Variants in VPS13B observed in about 807,000 individuals in gnomAD.
VPS13B encodes the protein vacuolar protein sorting 13 homolog B, also known as intermembrane lipid transfer protein VPS13B.
A neutral mutation model predicts 426.4 loss-of-function variants in VPS13B; 285 were observed. The observed-to-expected ratio is 0.67, with a 90% CI of 0.61 to 0.74. VPS13B has a LOEUF of 0.74. Among genes scored for constraint, VPS13B ranks in the 30% least tolerant of loss-of-function variants. The pLI, the probability that VPS13B is intolerant of heterozygous loss-of-function variation, is 0.00. For missense variants in VPS13B, 4,537 were observed against 4,782.6 expected (o/e 0.95, Z 1.51); for synonymous variants, 1,676 against 1,676.4 (o/e 1.00, Z 0.01).
At chr8:99,080,299 CTTTT>C (rs917807670) in intron 3 of VPS13B, among the ~76,000 whole-genome samples, 2 of 151,594 alleles carry the variant, frequency 1.3e-5, no homozygotes, top group Non-Finnish European at 2.9e-5. Flanking sequence ...GTATTTTTTG[CTTTT>C]TTGTTTCATG....
intron 17 of VPS13B, among the ~76,000 whole-genome samples, chr8:99,206,103 G>A (rs185830270): frequency 7.9e-4 from 120 of 152,086 alleles, no homozygotes; most frequent in Non-Finnish European, 1.4e-3. Flanking sequence ...GTCTTTTTGC[G>A]AGAAGATTAA....
intron 39 of VPS13B, among the ~76,000 whole-genome samples, chr8:99,747,842 A>G (rs1321561666): frequency 6.6e-6 from 1 of 151,826 alleles, no homozygotes; most frequent in Non-Finnish European, 1.5e-5. Flanking sequence ...TTGTTCCAAG[A>G]ATACTTTTTT....
rs566924306 is a variant in VPS13B, at chr8:99,754,716, G to A, written c.7051-12058G>A. The stretch of plus-strand genomic sequence containing the variant: ...ATTTTCTAGTACTTTTCTCTTTGGG[G>A]AATATATTTGGTTTTATCACCATCT... On this transcript the variant is annotated intron_variant, in intron 39 of 61. Transcript: ENST00000357162. Among the ~76,000 whole-genome samples the A allele has an allele frequency of 2.9e-4, 44 of 152,160 alleles. No individual in the cohort carries two copies. In the South Asian group the frequency reaches 8.7e-3, roughly 30 times the overall value.
chr8:99,628,441 C>T (rs939065162), intron 33 of VPS13B, among the ~76,000 whole-genome samples: 2 of 152,170 alleles, frequency 1.3e-5, no homozygotes, highest in African/African-American at 4.8e-5. Context: ...GTATGTGTTG[C>T]TTCACTCCTC....
At chr8:99,483,765 T>C (rs1820163191) in intron 25 of VPS13B, among the ~76,000 whole-genome samples, 1 of 152,136 alleles carries the variant, frequency 6.6e-6, no homozygotes, top group South Asian at 2.1e-4. Flanking sequence ...AAATGTGTTT[T>C]TTTGAAAGAA....
chr8:99,335,142 C>T (rs906119140), intron 19 of VPS13B, among the ~76,000 whole-genome samples: 4 of 152,050 alleles, frequency 2.6e-5, no homozygotes, highest in East Asian at 1.9e-4. Context: ...AGTTTATTTG[C>T]GTAGAGGTGT....
intron 22 of VPS13B, among the ~76,000 whole-genome samples, chr8:99,434,403 T>A (rs1817270160): frequency 6.6e-6 from 1 of 152,180 alleles, no homozygotes; most frequent in Non-Finnish European, 1.5e-5. Flanking sequence ...TTCAAGTATT[T>A]AACTAAGCCA....
chr8:99,645,646 A>G (rs752802570), intron 34 of VPS13B, among the ~76,000 whole-genome samples: 2 of 152,242 alleles, frequency 1.3e-5, no homozygotes, highest in Non-Finnish European at 2.9e-5. Context: ...GCTCTGCAGT[A>G]TCAGGTAGAA....
At chr8:99,132,841 AG>A (rs2132549196) in intron 8 of VPS13B, among the ~76,000 whole-genome samples, 1 of 152,286 alleles carries the variant, frequency 6.6e-6, no homozygotes, top group South Asian at 2.1e-4. Context: ...AGGTTTCCAT[AG>A]GCTTAAAGTA....
intron 3 of VPS13B, among the ~76,000 whole-genome samples, chr8:99,087,686 A>G (rs1028614191): frequency 2.7e-5 from 4 of 150,590 alleles, no homozygotes; most frequent in African/African-American, 7.4e-5. Flanking sequence ...TGGTTCAAGC[A>G]GTTCTCCACC....
chr8:99,588,019 T>C (rs202200771), intron 33 of VPS13B, among the ~76,000 whole-genome samples: 2 of 151,840 alleles, frequency 1.3e-5, no homozygotes, highest in Non-Finnish European at 2.9e-5. Flanking sequence ...GGAAGGGATC[T>C]AGTTTCAGCT....
At chr8:99,033,921 T>G (rs1842627949) in intron 2 of VPS13B, among the ~76,000 whole-genome samples, 1 of 152,266 alleles carries the variant, frequency 6.6e-6, no homozygotes, top group African/African-American at 2.4e-5. Context: ...TTGTATATGG[T>G]TTCCCTTATT....
At chr8:99,640,043 GAAGAAGAGAA>G (rs1554883858) in intron 33 of VPS13B, among the ~76,000 whole-genome samples, 12 of 82,186 alleles carry the variant, frequency 1.5e-4, no homozygotes, top group African/African-American at 4.8e-4. Flanking sequence ...AGAAGAAGAA[GAAGAAGAGAA>G]AAGAAAAGAA....
intron 36 of VPS13B, among the ~76,000 whole-genome samples, chr8:99,707,321 A>G (rs1563874544): frequency 6.6e-6 from 1 of 152,098 alleles, no homozygotes; most frequent in Non-Finnish European, 1.5e-5. Context: ...CTTTGAGAGG[A>G]TTAGGTGACA....
chr8:99,507,698 G>A (rs1191477920), intron 28 of VPS13B: 3 of 1,603,668 alleles, frequency 1.9e-6, no homozygotes, highest in Non-Finnish European at 2.6e-6. Context: ...AAACTATCCA[G>A]ATATTTTTTT....
intron 5 of VPS13B, 50 bp downstream of exon 5, chr8:99,103,170 A>G (rs1202777067): frequency 4.4e-6 from 7 of 1,600,788 alleles, no homozygotes; most frequent in Non-Finnish European, 6.0e-6. Flanking sequence ...TGAAACAATT[A>G]CCTTAACTCT....
intron 19 of VPS13B, among the ~76,000 whole-genome samples, chr8:99,375,944 C>CT: frequency 6.6e-6 from 1 of 152,266 alleles, no homozygotes; most frequent in East Asian, 1.9e-4. Flanking sequence ...GGCTGGCAAG[C>CT]TTCTATAGCT....
chr8:99,026,880 T>A (rs949874052), intron 2 of VPS13B, among the ~76,000 whole-genome samples: 1 of 152,160 alleles, frequency 6.6e-6, no homozygotes, highest in Non-Finnish European at 1.5e-5. Context: ...ATTTATTTTT[T>A]TTTTCCCCCG....
chr8:99,546,996 T>G (rs1283785099), intron 30 of VPS13B, among the ~76,000 whole-genome samples: 1 of 152,092 alleles, frequency 6.6e-6, no homozygotes, highest in Non-Finnish European at 1.5e-5. Context: ...TAAAAAGTAA[T>G]GTACTATGAA....
Sources: allele counts gnomAD v4.1 joint callset (sites outside exome capture counted in the v4.1 genomes callset), GRCh38; gene constraint gnomAD v4.1.1; transcripts MANE v1.5; gene names NCBI Gene and HGNC (gene_info 2026-07-23, HGNC 2026-07-21).